KIF5C: variants seen among roughly 807,000 people sequenced by gnomAD.
KIF5C encodes the protein kinesin heavy chain isoform 5C.
KIF5C carries 18 observed loss-of-function variants against 125.2 expected under a neutral mutation model. That is an observed-to-expected ratio of 0.14 (90% CI 0.10 to 0.21). The LOEUF is 0.21. Ranked by LOEUF, KIF5C falls within the 10% of genes least tolerant of loss-of-function variation. KIF5C has a pLI of 1.00. For synonymous variants in KIF5C, 405 were observed against 434.0 expected (o/e 0.93, Z 0.83); for missense variants, 780 against 1,183.8 (o/e 0.66, Z 5.01).
chr2:148,975,740 A>G (rs1681044419), intron 12 of KIF5C, among the ~76,000 whole-genome samples: 1 of 152,246 alleles, frequency 6.6e-6, no homozygotes, highest in African/African-American at 2.4e-5. Context: ...TCAGACCTGT[A>G]ACAATGACAC....
chr2:148,908,357 T>C (rs1681197219), intron 1 of KIF5C, among the ~76,000 whole-genome samples: 1 of 152,198 alleles, frequency 6.6e-6, no homozygotes, highest in Non-Finnish European at 1.5e-5. Context: ...AACAGCTCTC[T>C]CCGTTTATTT....
chr2:148,930,619 G>A (rs990187108), intron 3 of KIF5C, among the ~76,000 whole-genome samples: 1 of 152,160 alleles, frequency 6.6e-6, no homozygotes, highest in Non-Finnish European at 1.5e-5. Context: ...TCAAAGGCAC[G>A]AGGCTAAAAT....
At chr2:148,934,179 A>C (rs1181950911) in intron 3 of KIF5C, among the ~76,000 whole-genome samples, 2 of 151,580 alleles carry the variant, frequency 1.3e-5, no homozygotes, top group Non-Finnish European at 2.9e-5. Context: ...ACATATGCAC[A>C]CACAGACACA....
At chr2:148,901,045 C>T (rs989827576) in intron 1 of KIF5C, among the ~76,000 whole-genome samples, 34 of 152,234 alleles carry the variant, frequency 2.2e-4, no homozygotes, top group African/African-American at 7.2e-4. Flanking sequence ...TGCTGAGATG[C>T]GGTTGACCAG....
chr2:148,986,502 A>T (rs959928073), intron 15 of KIF5C, among the ~76,000 whole-genome samples: 1 of 152,210 alleles, frequency 6.6e-6, no homozygotes, highest in Admixed American at 6.5e-5. Flanking sequence ...AGACAGTATC[A>T]AAAATTGTCG....
Position 148,979,004 on chromosome 2 carries a change from T to C in KIF5C, c.1362+14T>C. On this transcript the variant is annotated intron_variant, in intron 13 of 25. Coordinates refer to ENST00000435030, the MANE Select transcript of KIF5C (RefSeq NM_004522.3). ...GATCAGGATGAGGTAAAGAATGCAA[T>C]ATATTTTTTTTTCCACAAAGTTCTT... The C allele has an allele frequency of 6.5e-7, 1 of 1,547,150 alleles. No homozygotes were observed. Among genetic ancestry groups the C allele is most frequent in the Non-Finnish European group, 8.7e-7 (1 of 1,147,540 alleles).
chr2:148,964,549 G>A (rs1036282115), intron 11 of KIF5C, among the ~76,000 whole-genome samples: 1 of 152,202 alleles, frequency 6.6e-6, no homozygotes, highest in Non-Finnish European at 1.5e-5. Context: ...ATGTATGATG[G>A]TAGTCCACGC....
chr2:148,906,686 G>A (rs1252504478), intron 1 of KIF5C, among the ~76,000 whole-genome samples: 8 of 151,700 alleles, frequency 5.3e-5, no homozygotes, highest in Admixed American at 5.3e-4. Flanking sequence ...GCAATGTGGT[G>A]AAACCCTGTG....
intron 10 of KIF5C, among the ~76,000 whole-genome samples, chr2:148,959,261 C>T (rs189252379): frequency 2.0e-5 from 3 of 152,002 alleles, no homozygotes; most frequent in Non-Finnish European, 4.4e-5. Context: ...TGTTTTTATT[C>T]CAAGATTTCT....
At chr2:148,907,508 G>T (rs1327933796) in intron 1 of KIF5C, among the ~76,000 whole-genome samples, 1 of 152,236 alleles carries the variant, frequency 6.6e-6, no homozygotes, top group Non-Finnish European at 1.5e-5. Context: ...GTAACCATAT[G>T]TCCCTTAGAT....
intron 1 of KIF5C, among the ~76,000 whole-genome samples, chr2:148,896,732 A>G (rs1558876699): frequency 6.6e-6 from 1 of 152,208 alleles, no homozygotes; most frequent in Non-Finnish European, 1.5e-5. Flanking sequence ...ATCCTGTGAA[A>G]GGCTAGCCTA....
intron 1 of KIF5C, among the ~76,000 whole-genome samples, chr2:148,881,016 G>C (rs73007567): frequency 0.016 from 2,445 of 148,608 alleles, 69 homozygotes; most frequent in African/African-American, 0.058. Flanking sequence ...TGTATTGAAA[G>C]TGCAGATAAT....
At chr2:148,916,003 C>T (rs1182499585) in intron 1 of KIF5C, among the ~76,000 whole-genome samples, 3 of 152,196 alleles carry the variant, frequency 2.0e-5, no homozygotes, top group Admixed American at 6.5e-5. Flanking sequence ...CCCACAACAT[C>T]CCTTTGGCCT....
chr2:148,899,512 G>T (rs1680806578), intron 1 of KIF5C, among the ~76,000 whole-genome samples: 1 of 151,734 alleles, frequency 6.6e-6, no homozygotes, highest in Non-Finnish European at 1.5e-5. Flanking sequence ...GACCAGCCTG[G>T]CCAACATGGC....
At chr2:148,898,679 C>T (rs980241471) in intron 1 of KIF5C, among the ~76,000 whole-genome samples, 11 of 152,180 alleles carry the variant, frequency 7.2e-5, no homozygotes, top group African/African-American at 2.2e-4. Context: ...GGCAGGAAAA[C>T]GGAATCTCTC....
chr2:148,901,864 C>T (rs916442258), intron 1 of KIF5C, among the ~76,000 whole-genome samples: 6 of 152,158 alleles, frequency 3.9e-5, no homozygotes, highest in African/African-American at 1.2e-4. Flanking sequence ...ATCTGGAGGA[C>T]GGCCTGTGAG....
At chr2:148,973,308 C>G (rs746632635) in intron 11 of KIF5C, 28 bp from the exon 12 acceptor site, 1 of 1,594,432 alleles carries the variant, frequency 6.3e-7, no homozygotes, top group Non-Finnish European at 8.5e-7. Flanking sequence ...TTCTTTAATC[C>G]CCAACTCTGC....
intron 1 of KIF5C, among the ~76,000 whole-genome samples, chr2:148,895,914 C>A (rs1013230606): frequency 7.9e-5 from 12 of 151,820 alleles, no homozygotes; most frequent in African/African-American, 2.7e-4. Context: ...CTTATAAGGA[C>A]ATATGAATCC....
intron 16 of KIF5C, among the ~76,000 whole-genome samples, chr2:148,993,623 T>G (rs1340121044): frequency 1.3e-5 from 2 of 152,198 alleles, no homozygotes; most frequent in Non-Finnish European, 2.9e-5. Context: ...AGAGGTTATT[T>G]CATTAGATTA....
Sources: gnomAD v4.1 joint callset for allele counts (sites outside exome capture counted in the v4.1 genomes callset) on GRCh38, gnomAD v4.1.1 for gene constraint, MANE v1.5 for transcripts, NCBI Gene and HGNC (gene_info 2026-07-23, HGNC 2026-07-21) for gene names.